Variants in CEP89 observed in about 807,000 individuals in gnomAD.
The protein encoded by CEP89 is centrosomal protein 89, also known as centrosomal protein of 89 kDa.
In CEP89, 95 loss-of-function variants were observed where a neutral mutation model predicts 97.6. The observed-to-expected ratio is 0.97, with a 90% confidence interval of 0.82 to 1.15. CEP89 has a LOEUF of 1.15. Ranked by LOEUF, CEP89 falls within the 50% of genes most tolerant of loss-of-function variation. CEP89 has a pLI of 0.00. For synonymous variants in CEP89, 354 were observed against 349.1 expected, an observed-to-expected ratio of 1.01 and a Z score of -0.16; for missense variants, 869 against 947.7, an observed-to-expected ratio of 0.92 and a Z score of 1.09.
In CEP89 at chr19:32,927,111, C is replaced by T. The variant is rs1970373975; in HGVS notation, c.1030-127G>A. ...ATTTATCTGTCTATCCATCTGCCTA[C>T]CCACCCACCTACCCACCTACCCATC... On this transcript the variant is annotated intron_variant, in intron 9 of 18. Transcript: ENST00000305768. The T allele has an allele frequency of 7.8e-6, 6 of 768,478 alleles. No homozygotes were observed. In the Admixed American group the frequency reaches 1.4e-4, roughly 18 times the overall value. The allele number at this position is 768,478 out of a possible 1,614,324, so 47.6% of individuals were successfully genotyped here.
At chr19:32,940,175 T>G (rs906766067) in intron 5 of CEP89, among the ~76,000 whole-genome samples, 2 of 151,994 alleles carry the variant, frequency 1.3e-5, no homozygotes, top group Non-Finnish European at 2.9e-5. Context: ...CATGCCAGGC[T>G]TCTCCTCTCC....
intron 3 of CEP89, among the ~76,000 whole-genome samples, chr19:32,955,884 C>A (rs1683822578): frequency 6.6e-6 from 1 of 152,078 alleles, no homozygotes; most frequent in Non-Finnish European, 1.5e-5. Context: ...AAAATCATTT[C>A]TCCAAGCTAT....
intron 13 of CEP89, among the ~76,000 whole-genome samples, chr19:32,917,305 A>G (rs1188325941): frequency 2.0e-5 from 3 of 152,212 alleles, no homozygotes; most frequent in Non-Finnish European, 2.9e-5. Flanking sequence ...TGCAGGTCTC[A>G]GGAGAAATCA....
At chr19:32,913,461 C>T (rs959780702) in intron 14 of CEP89, among the ~76,000 whole-genome samples, 3 of 151,762 alleles carry the variant, frequency 2.0e-5, no homozygotes, top group South Asian at 2.1e-4. Flanking sequence ...TATATATACA[C>T]GCACATACAC....
At chr19:32,944,309 A>C (rs1970751605) in intron 5 of CEP89, among the ~76,000 whole-genome samples, 1 of 151,674 alleles carries the variant, frequency 6.6e-6, no homozygotes, top group African/African-American at 2.4e-5. Flanking sequence ...TGCGAAAGGA[A>C]ACCTGGGCGC....
chr19:32,963,091 C>T (rs1599783524), intron 2 of CEP89, among the ~76,000 whole-genome samples: 1 of 152,208 alleles, frequency 6.6e-6, no homozygotes, highest in South Asian at 2.1e-4. Flanking sequence ...CGCGGTAGCT[C>T]ACGCCTGTAA....
chr19:32,948,862 C>T (rs577934949), intron 4 of CEP89, among the ~76,000 whole-genome samples: 63 of 152,212 alleles, frequency 4.1e-4, no homozygotes, highest in South Asian at 1.5e-3. Context: ...GTAGCTGGGA[C>T]CACAGGCGTG....
intron 18 of CEP89, among the ~76,000 whole-genome samples, chr19:32,881,589 C>A (rs1294481924): frequency 6.6e-6 from 1 of 151,606 alleles, no homozygotes; most frequent in African/African-American, 2.4e-5. Flanking sequence ...TGGAAGGCAG[C>A]AGAAAAAAAG....
intron 14 of CEP89, among the ~76,000 whole-genome samples, chr19:32,906,283 TTTGGA>T (rs1208251350): frequency 2.0e-5 from 3 of 152,220 alleles, no homozygotes; most frequent in Admixed American, 6.5e-5. Context: ...CCTGCTCTTA[TTTGGA>T]TTGTTTTTTA....
chr19:32,913,302 TATA>T (rs1415442487), intron 14 of CEP89, among the ~76,000 whole-genome samples: 9,420 of 59,570 alleles, frequency 0.16, 578 homozygotes, highest in African/African-American at 0.38. Flanking sequence ...TATATATATA[TATA>T]TTTTTTTGTT....
intron 5 of CEP89, among the ~76,000 whole-genome samples, chr19:32,942,161 C>T (rs778983174): frequency 2.0e-5 from 3 of 152,260 alleles, no homozygotes; most frequent in South Asian, 2.1e-4. Flanking sequence ...GCAGGTAGAT[C>T]GGTTGAGCCC....
At chr19:32,956,600 C>T (rs950046364) in intron 3 of CEP89, among the ~76,000 whole-genome samples, 2 of 152,050 alleles carry the variant, frequency 1.3e-5, no homozygotes, top group African/African-American at 4.8e-5. Flanking sequence ...CTCCTGATCT[C>T]AAGCAGTCCT....
intron 14 of CEP89, among the ~76,000 whole-genome samples, chr19:32,912,090 CTA>C (rs1970013004): frequency 6.6e-6 from 1 of 151,312 alleles, no homozygotes; most frequent in Non-Finnish European, 1.5e-5. Context: ...GTAATCCCAG[CTA>C]TGAGTGGGGC....
In CEP89 at chr19:32,915,509, G is replaced by C; in HGVS notation, c.1393C>G (p.Leu465Val). The change falls in exon 14 of 19, where the codon CTG becomes GTG. Residue 465 changes from leucine to valine, a missense_variant. Physicochemically the swap from Leu to Val is conservative, Grantham distance 32 (BLOSUM62 1). Transcript: ENST00000305768. ...TCCAGGAGCATTAGTTGTTTAGTCA[G>C]CTTAGAAACTGAAAATCAAAAGAGG... ...HQERLQEVSKLTKQLMLLEAK... is the reference protein window; with the variant it reads ...HQERLQEVSKVTKQLMLLEAK... 1 of 1,605,118 alleles carries C rather than the reference G, an allele frequency of 6.2e-7. No individual in the cohort carries two copies. Among genetic ancestry groups the C allele is most frequent in the Non-Finnish European group, 8.5e-7 (1 of 1,178,042 alleles).
chr19:32,933,362 C>A, intron 8 of CEP89, 89 bp downstream of exon 8: 1 of 994,332 alleles, frequency 1.0e-6, no homozygotes. Flanking sequence ...ATTACCAACA[C>A]AAATATCACA....
Position 32,879,253 on chromosome 19 carries a change from G to A in CEP89, c.2261C>T (p.Ala754Val). The A allele has an allele frequency of 6.2e-7, 1 of 1,614,202 alleles. No individual in the cohort carries two copies. Among genetic ancestry groups the A allele is most frequent in the South Asian group, 1.1e-5 (1 of 91,086 alleles). Residue 754 changes from alanine (A) to valine (V), a missense_variant, in exon 19 of 19, where the codon GCC becomes GTC. Coordinates refer to ENST00000305768, the MANE Select transcript of CEP89 (RefSeq NM_032816.5). Reference sequence around the variant, plus strand: ...CTGAGAGACGCCATTGAGGCTGGGGGCAACCAGAGCTCTGGGGTTGTCCTG... The same window carrying A: ...CTGAGAGACGCCATTGAGGCTGGGGACAACCAGAGCTCTGGGGTTGTCCTG... ...GVQDNPRALV[A>V]PSLNGVSQAD...
At position 32,915,622 on chromosome 19, in the gene CEP89, C is replaced by G. The variant is rs185684521; in HGVS notation, c.1385-105G>C. ...ATGAGAGTCAGCTGATAAAAATGAC[C>G]TTTTAAAGATCTTTTGAGCCAGACG... On this transcript the variant is annotated intron_variant, in intron 13 of 18. Coordinates refer to ENST00000305768, the MANE Select transcript of CEP89 (RefSeq NM_032816.5). The G allele has an allele frequency of 1.3e-3, 1,367 of 1,071,126 alleles. 1 individual carries two copies. Among genetic ancestry groups the G allele is most frequent in the Non-Finnish European group, 1.3e-3 (965 of 737,086 alleles). 66.4% of individuals were successfully genotyped at this position (1,071,126 alleles called of 1,614,324 possible).
intron 16 of CEP89, among the ~76,000 whole-genome samples, chr19:32,892,161 TAC>T (rs1430340710): frequency 6.9e-6 from 1 of 144,022 alleles, no homozygotes; most frequent in African/African-American, 2.5e-5. Flanking sequence ...TATTTAGACA[TAC>T]ATATATTTAG....
intron 11 of CEP89, among the ~76,000 whole-genome samples, chr19:32,924,484 G>C (rs1970315796): frequency 6.6e-6 from 1 of 152,162 alleles, no homozygotes; most frequent in South Asian, 2.1e-4. Context: ...TCCTCCATCA[G>C]GGCTTTTCCA....
Sources: allele counts gnomAD v4.1 joint callset (sites outside exome capture counted in the v4.1 genomes callset), GRCh38; gene constraint gnomAD v4.1.1; transcripts MANE v1.5; gene names NCBI Gene and HGNC (gene_info 2026-07-23, HGNC 2026-07-21).